The following GRID1 variants were observed in gnomAD, a reference collection of about 807,000 sequenced individuals.
GRID1 encodes the protein glutamate ionotropic receptor delta type subunit 1, also known as glutamate receptor ionotropic, delta-1.
Under a neutral mutation model 98.0 loss-of-function variants are expected in GRID1, and 28 were observed. The ratio of observed to expected loss-of-function variants is 0.29; its 90% CI spans 0.21 to 0.39. The LOEUF is 0.39. Ranked by LOEUF, GRID1 falls within the 10% of genes least tolerant of loss-of-function variation. The probability of loss-of-function intolerance (pLI) is 1.00; values close to 1 mark genes in which losing one functional copy is unlikely to be tolerated. For missense variants in GRID1, 1,111 were observed against 1,340.5 expected (o/e 0.83, Z 2.67); for synonymous variants, 553 against 538.5 (o/e 1.03, Z -0.37).
chr10:86,302,319 CA>C (rs1049163880), intron 2 of GRID1, among the ~76,000 whole-genome samples: 6 of 152,308 alleles, frequency 3.9e-5, no homozygotes, highest in Admixed American at 2.0e-4. Context: ...AAAGGGGAAC[CA>C]GGGGCAGCAC....
chr10:86,126,095 C>A (rs989240864), intron 4 of GRID1, among the ~76,000 whole-genome samples: 1 of 152,092 alleles, frequency 6.6e-6, no homozygotes, highest in Middle Eastern at 3.2e-3. Flanking sequence ...TCACACCCAC[C>A]AACAAAAGTA....
intron 4 of GRID1, among the ~76,000 whole-genome samples, chr10:85,925,958 A>C (rs1445308966): frequency 6.6e-6 from 1 of 152,278 alleles, no homozygotes; most frequent in Non-Finnish European, 1.5e-5. Flanking sequence ...TTAAGGCAAT[A>C]AAGTTGAAAG....
At chr10:85,722,444 CA>C (rs1170258936) in intron 12 of GRID1, among the ~76,000 whole-genome samples, 2 of 152,066 alleles carry the variant, frequency 1.3e-5, no homozygotes, top group East Asian at 3.9e-4. Flanking sequence ...CAGTCACTTC[CA>C]AGAGTTATTT....
intron 2 of GRID1, among the ~76,000 whole-genome samples, chr10:86,257,181 G>A (rs994640608): frequency 6.6e-6 from 1 of 152,208 alleles, no homozygotes; most frequent in African/African-American, 2.4e-5. Flanking sequence ...TTTCAATGAG[G>A]TATTCACACA....
intron 12 of GRID1, among the ~76,000 whole-genome samples, chr10:85,656,364 T>A (rs1840894858): frequency 6.6e-6 from 1 of 152,186 alleles, no homozygotes; most frequent in Non-Finnish European, 1.5e-5. Flanking sequence ...AATTTTGGAA[T>A]CTTCCAGGGG....
chr10:86,316,045 C>A (rs538523504), intron 2 of GRID1, among the ~76,000 whole-genome samples: 41 of 152,324 alleles, frequency 2.7e-4, no homozygotes, highest in Non-Finnish European at 5.1e-4. Context: ...CACACCCATC[C>A]CCCACTTTGA....
chr10:85,663,932 G>A (rs1304825872), intron 12 of GRID1, among the ~76,000 whole-genome samples: 2 of 152,088 alleles, frequency 1.3e-5, no homozygotes, highest in Non-Finnish European at 2.9e-5. Context: ...ACTCCCTGCT[G>A]GATGAATAAA....
At chr10:86,087,555 G>C (rs1417362233) in intron 4 of GRID1, among the ~76,000 whole-genome samples, 1 of 146,198 alleles carries the variant, frequency 6.8e-6, no homozygotes, top group African/African-American at 2.5e-5. Context: ...CTCCCCTCCA[G>C]AGTGAAAACT....
intron 15 of GRID1, among the ~76,000 whole-genome samples, chr10:85,609,429 T>C (rs1842709674): frequency 6.6e-6 from 1 of 152,188 alleles, no homozygotes; most frequent in African/African-American, 2.4e-5. Flanking sequence ...GAATCCTCAG[T>C]GCAACGCTGT....
At chr10:85,981,569 C>A (rs2131861515) in intron 4 of GRID1, among the ~76,000 whole-genome samples, 1 of 152,310 alleles carries the variant, frequency 6.6e-6, no homozygotes, top group South Asian at 2.1e-4. Context: ...TTGCCCCGGG[C>A]TCTCTGGCAG....
At chr10:85,614,878 G>A (rs1336675968) in intron 14 of GRID1, among the ~76,000 whole-genome samples, 1 of 152,202 alleles carries the variant, frequency 6.6e-6, no homozygotes, top group Non-Finnish European at 1.5e-5. Flanking sequence ...CAGAGAGCCA[G>A]TGGTAGCTGG....
intron 2 of GRID1, among the ~76,000 whole-genome samples, chr10:86,259,804 C>T (rs1392319140): frequency 6.6e-6 from 1 of 152,220 alleles, no homozygotes; most frequent in Non-Finnish European, 1.5e-5. Context: ...AGAGGCCACA[C>T]TCTGACCTCT....
In GRID1 at chr10:85,916,107, T is replaced by A; in HGVS notation, c.780+79A>T. 1 of 1,113,756 alleles carries A rather than the reference T, an allele frequency of 9.0e-7. No homozygotes were observed. The highest frequency in any genetic ancestry group is 1.4e-6 in the Non-Finnish European group (1 of 734,714). 69.0% of individuals were successfully genotyped at this position (1,113,756 alleles called of 1,614,324 possible). On this transcript the variant is annotated intron_variant, in intron 5 of 15. Coordinates refer to ENST00000327946, the MANE Select transcript of GRID1 (RefSeq NM_017551.3). This position sits in a 1 kb window ranked among gnomAD's most constrained non-coding sequence, Gnocchi z 4.0. The stretch of plus-strand genomic sequence containing the variant: ...ACAGCCCCCTAAGTCAGAATTGAAC[T>A]GAAAAGAATCACACTGAGCTTTACA...
At chr10:85,980,140 T>C (rs1241242982) in intron 4 of GRID1, among the ~76,000 whole-genome samples, 1 of 152,196 alleles carries the variant, frequency 6.6e-6, no homozygotes, top group Admixed American at 6.5e-5. Flanking sequence ...GGGACTTACC[T>C]AGACCTGATA....
At chr10:85,891,187 ATT>A (rs539749691) in intron 5 of GRID1, among the ~76,000 whole-genome samples, 1 of 152,008 alleles carries the variant, frequency 6.6e-6, no homozygotes, top group Non-Finnish European at 1.5e-5. Flanking sequence ...TTAACACCTC[ATT>A]TTTTTTATCC....
chr10:85,734,352 G>A (rs997785817), intron 8 of GRID1, among the ~76,000 whole-genome samples: 1 of 152,014 alleles, frequency 6.6e-6, no homozygotes, highest in Admixed American at 6.6e-5. Context: ...AATCATTTTA[G>A]TTAATATTCA....
chr10:85,646,106 G>A (rs1237021907), intron 13 of GRID1: 2 of 133,700 alleles, frequency 1.5e-5, no homozygotes, highest in African/African-American at 6.5e-5. Flanking sequence ...GGCAGCACAG[G>A]GATGAGTGTG....
At chr10:85,862,834 T>C (rs1015220203) in intron 6 of GRID1, among the ~76,000 whole-genome samples, 3 of 152,190 alleles carry the variant, frequency 2.0e-5, no homozygotes, top group African/African-American at 7.2e-5. Flanking sequence ...AGTGAGACTT[T>C]AAATTGATCT....
chr10:86,257,879 G>A lies in GRID1; in HGVS notation c.236-51231C>T, dbSNP rs1846949221. Among the ~76,000 whole-genome samples, 9 of 152,282 alleles carry A rather than the reference G, an allele frequency of 5.9e-5. No individual in the cohort carries two copies. In the South Asian group the frequency reaches 1.9e-3, roughly 32 times the overall value. On this transcript the variant is annotated intron_variant, in intron 2 of 15. Coordinates refer to ENST00000327946, the MANE Select transcript of GRID1 (RefSeq NM_017551.3). ...AGAACAGGGGAGCAATGCCAAGGAG[G>A]TTCCCCCTTTAATCCAATTAAAACA...
Sources: gnomAD v4.1 joint callset for allele counts (sites outside exome capture counted in the v4.1 genomes callset) on GRCh38, gnomAD v4.1.1 for gene constraint, Gnocchi (gnomAD v3.1) non-coding constraint, MANE v1.5 for transcripts, NCBI Gene and HGNC (gene_info 2026-07-23, HGNC 2026-07-21) for gene names.